Variants in PLCXD3 observed in about 807,000 individuals in gnomAD.
PLCXD3 encodes phosphatidylinositol specific phospholipase C X domain containing 3.
In PLCXD3, 19 loss-of-function variants were observed where a neutral mutation model predicts 25.5. That is an observed-to-expected ratio of 0.75 (90% confidence interval 0.52 to 1.09). The LOEUF is 1.09. PLCXD3 is among the 50% of genes least tolerant of loss of function. The probability of loss-of-function intolerance (pLI) is 0.00; values close to 1 mark genes in which losing one functional copy is unlikely to be tolerated. For synonymous variants in PLCXD3, 174 were observed against 137.6 expected (o/e 1.26, Z -1.85); for missense variants, 411 against 388.1 (o/e 1.06, Z -0.50).
chr5:41,498,223 G>A (rs371188667), intron 1 of PLCXD3, among the ~76,000 whole-genome samples: 1 of 150,958 alleles, frequency 6.6e-6, no homozygotes, highest in East Asian at 1.9e-4. Flanking sequence ...AATAGAAACA[G>A]CAATAGAAAA....
intron 2 of PLCXD3, 110 bp downstream of exon 2, chr5:41,381,716 C>T: frequency 2.1e-6 from 2 of 958,552 alleles, no homozygotes; most frequent in Non-Finnish European, 3.1e-6. Context: ...GCTATTGCAG[C>T]CCCAGGGACC....
chr5:41,338,073 TCTTC>T (rs1744034325), intron 2 of PLCXD3, among the ~76,000 whole-genome samples: 1 of 152,162 alleles, frequency 6.6e-6, no homozygotes, highest in African/African-American at 2.4e-5. Context: ...ACATTCTCCC[TCTTC>T]CTTGTATATT....
At chr5:41,477,142 C>A in intron 1 of PLCXD3, among the ~76,000 whole-genome samples, 1 of 152,106 alleles carries the variant, frequency 6.6e-6, no homozygotes. Context: ...GCCCTCTGAA[C>A]TAGGAGAAAA....
chr5:41,484,833 G>T (rs533635782), intron 1 of PLCXD3, among the ~76,000 whole-genome samples: 4 of 152,068 alleles, frequency 2.6e-5, no homozygotes, highest in Non-Finnish European at 4.4e-5. Flanking sequence ...TAACATTCAG[G>T]TGCTAAATTG....
chr5:41,484,270 CA>C (rs1748473803), intron 1 of PLCXD3, among the ~76,000 whole-genome samples: 1 of 64,694 alleles, frequency 1.5e-5, no homozygotes, highest in Non-Finnish European at 2.9e-5. Flanking sequence ...CACACACACA[CA>C]CTAACTGTAT....
Position 41,425,380 on chromosome 5 carries a change from A to G in PLCXD3, c.104-42846T>C, listed in dbSNP as rs73079708. On this transcript the variant is annotated intron_variant, in intron 1 of 2. Transcript: ENST00000377801. ...TAAGCATAAGGTGCACAGATTTCCC[A>G]TATACCTGCTTCCCCAGTACATGCA... Among the ~76,000 whole-genome samples, 1,488 of 152,136 alleles carry G rather than the reference A, an allele frequency of 9.8e-3. 28 individuals carry two copies. Among genetic ancestry groups the G allele is most frequent in the African/African-American group, 0.034 (1,418 of 41,494 alleles).
At chr5:41,316,624 C>T (rs1184770526) in intron 2 of PLCXD3, among the ~76,000 whole-genome samples, 1 of 152,086 alleles carries the variant, frequency 6.6e-6, no homozygotes. Flanking sequence ...AGAGGGAGCC[C>T]ACTGCCCTGA....
chr5:41,374,365 C>T (rs1289744436), intron 2 of PLCXD3, among the ~76,000 whole-genome samples: 1 of 152,084 alleles, frequency 6.6e-6, no homozygotes, highest in Non-Finnish European at 1.5e-5. Context: ...TCTGGAGCTT[C>T]CTTTTGATTT....
intron 1 of PLCXD3, among the ~76,000 whole-genome samples, chr5:41,453,821 T>C (rs965264454): frequency 2.0e-5 from 3 of 151,930 alleles, no homozygotes; most frequent in Non-Finnish European, 4.4e-5. Context: ...CAGAATGGTA[T>C]AGCCAGTGAT....
rs2150465086 is a variant in PLCXD3 at position 41,309,456 on chromosome 5, A to C, written c.*4161T>G. The C allele has an allele frequency of 6.6e-6, 1 of 152,654 alleles. No homozygotes were observed. Among genetic ancestry groups the C allele is most frequent in the South Asian group, 2.1e-4 (1 of 4,828 alleles). 9.5% of individuals were successfully genotyped at this position (152,654 alleles called of 1,614,324 possible). On this transcript the variant is annotated 3_prime_UTR_variant, in exon 3 of 3. Coordinates refer to ENST00000377801, the MANE Select transcript of PLCXD3 (RefSeq NM_001005473.3). The stretch of plus-strand genomic sequence containing the variant: ...ACCTTGTTTAGCATATCCTGAGGAC[A>C]CTGTGCATTATTTTCTATTAGCAAT...
intron 1 of PLCXD3, among the ~76,000 whole-genome samples, chr5:41,455,727 G>A (rs1381176823): frequency 6.6e-6 from 1 of 151,950 alleles, no homozygotes; most frequent in Non-Finnish European, 1.5e-5. Context: ...AAGGTACACT[G>A]CCTGTCCTTA....
intron 2 of PLCXD3, among the ~76,000 whole-genome samples, chr5:41,368,610 G>A (rs1402110092): frequency 6.6e-6 from 1 of 152,138 alleles, no homozygotes; most frequent in African/African-American, 2.4e-5. Flanking sequence ...TCCTTGTCTT[G>A]TGCTGGATTT....
chr5:41,445,602 T>C lies in PLCXD3; in HGVS notation c.104-63068A>G, dbSNP rs542759590. The stretch of plus-strand genomic sequence containing the variant: ...CTCTCTGAAATGGATTATCAGAATT[T>C]TCTTTGAGGAAGAGAACAATGAAAT... On this transcript the variant is annotated intron_variant, in intron 1 of 2. Coordinates refer to ENST00000377801, the MANE Select transcript of PLCXD3 (RefSeq NM_001005473.3). Among the ~76,000 whole-genome samples the C allele has an allele frequency of 9.3e-4, 142 of 152,300 alleles. 1 individual carries two copies. Among genetic ancestry groups the C allele is most frequent in the Non-Finnish European group, 2.9e-5 (2 of 68,026 alleles).
Position 41,381,987 on chromosome 5 carries a change from G to C in PLCXD3, c.651C>G (p.Ala217=). 1 of 1,613,456 alleles carries C rather than the reference G, an allele frequency of 6.2e-7. No homozygotes were observed. The highest frequency in any genetic ancestry group is 8.5e-7 in the Non-Finnish European group (1 of 1,179,702). Residue 217 remains alanine (A), a synonymous_variant, in exon 2 of 3, where the codon GCC becomes GCG. Coordinates refer to ENST00000377801, the MANE Select transcript of PLCXD3 (RefSeq NM_001005473.3). ...WPGQMMPAPW[A]NTTDPEKLIQ... ...TCAGTTTCTCGGGGTCTGTGGTGTT[G>C]GCCCAGGGTGCTGGCATCATCTGCC...
chr5:41,328,605 G>T (rs1743700237), intron 2 of PLCXD3, among the ~76,000 whole-genome samples: 1 of 152,066 alleles, frequency 6.6e-6, no homozygotes, highest in Non-Finnish European at 1.5e-5. Context: ...AGGTCTCAAA[G>T]CCCCTCTGGA....
chr5:41,467,745 G>A (rs1196811319), intron 1 of PLCXD3, among the ~76,000 whole-genome samples: 1 of 152,120 alleles, frequency 6.6e-6, no homozygotes, highest in African/African-American at 2.4e-5. Context: ...TGTAGTATAA[G>A]ATTAGAGTCT....
intron 1 of PLCXD3, among the ~76,000 whole-genome samples, chr5:41,437,297 AGCTCTG>A (rs747705079): frequency 5.3e-5 from 8 of 152,250 alleles, no homozygotes; most frequent in Non-Finnish European, 8.8e-5. Context: ...AAAATGATGA[AGCTCTG>A]GCCACAATGA....
chr5:41,426,693 C>A (rs1332098842), intron 1 of PLCXD3, among the ~76,000 whole-genome samples: 2 of 152,046 alleles, frequency 1.3e-5, no homozygotes, highest in East Asian at 1.9e-4. Context: ...AATTATCAAG[C>A]TTTACAGTTC....
At chr5:41,380,522 C>T (rs1183089167) in intron 2 of PLCXD3, among the ~76,000 whole-genome samples, 1 of 152,082 alleles carries the variant, frequency 6.6e-6, no homozygotes, top group East Asian at 1.9e-4. Context: ...CCCCATTGCT[C>T]ACAGGATGAG....
Sources: allele counts gnomAD v4.1 joint callset (sites outside exome capture counted in the v4.1 genomes callset), GRCh38; gene constraint gnomAD v4.1.1; transcripts MANE v1.5; gene names NCBI Gene and HGNC (gene_info 2026-07-23, HGNC 2026-07-21).